Variants in B3GALT1 observed in about 807,000 individuals in gnomAD.
B3GALT1 encodes the protein UDP-Gal:betaGlcNAc beta 1,3-galactosyltransferase, polypeptide 1.
A neutral mutation model predicts 23.2 loss-of-function variants in B3GALT1; 10 were observed. That is an observed-to-expected ratio of 0.43 (90% CI 0.27 to 0.73). B3GALT1 has a LOEUF of 0.73. Ranked by LOEUF, B3GALT1 falls within the 30% of genes least tolerant of loss-of-function variation. B3GALT1 has a pLI of 0.21. For missense variants in B3GALT1, 299 were observed against 405.4 expected, an observed-to-expected ratio of 0.74 and a Z score of 2.25; for synonymous variants, 156 against 141.5, an observed-to-expected ratio of 1.10 and a Z score of -0.73.
At chr2:167,468,072 C>T (rs1034192092) in intron 1 of B3GALT1, among the ~76,000 whole-genome samples, 38 of 151,948 alleles carry the variant, frequency 2.5e-4, no homozygotes, top group Non-Finnish European at 5.1e-4. Flanking sequence ...GTAGGAGTCT[C>T]CAAGGGCCAT....
intron 3 of B3GALT1, among the ~76,000 whole-genome samples, chr2:167,773,839 A>G (rs1688112475): frequency 6.6e-6 from 1 of 152,222 alleles, no homozygotes; most frequent in Non-Finnish European, 1.5e-5. Context: ...ACCAAGTCCA[A>G]GTGGTCATTC....
At chr2:167,643,761 G>A (rs1446318777) in intron 2 of B3GALT1, among the ~76,000 whole-genome samples, 1 of 152,158 alleles carries the variant, frequency 6.6e-6, no homozygotes, top group Admixed American at 6.5e-5. Context: ...AATGTATAAG[G>A]TGTGGGTAAA....
At chr2:167,701,091 A>C (rs10180034) in intron 3 of B3GALT1, among the ~76,000 whole-genome samples, 14,051 of 152,196 alleles carry the variant, frequency 0.092, 922 homozygotes, top group East Asian at 0.26. Context: ...TTTATTTTAC[A>C]AAAGACAAAA....
intron 1 of B3GALT1, among the ~76,000 whole-genome samples, chr2:167,449,924 G>A (rs763717796): frequency 1.3e-5 from 2 of 152,158 alleles, no homozygotes; most frequent in South Asian, 2.1e-4. Context: ...AACCATCCCT[G>A]CATTCCTGGT....
chr2:167,585,344 TAAACAA>T lies in B3GALT1; in HGVS notation c.-409-61559_-409-61554del, dbSNP rs1574153228. Among the ~76,000 whole-genome samples the T allele has an allele frequency of 2.6e-5, 4 of 152,268 alleles. No individual in the cohort carries two copies. The South Asian group carries it at 8.3e-4, about 32-fold the overall frequency. ...TTATATGTTGGTCCCAGAAATCTGT[TAAACAA>T]AAACATTAGAAAAGCCCCTTAATAA... On this transcript the variant is annotated intron_variant, in intron 2 of 4. Transcript: ENST00000392690.
At chr2:167,496,361 A>C (rs551167153) in intron 2 of B3GALT1, among the ~76,000 whole-genome samples, 1 of 152,136 alleles carries the variant, frequency 6.6e-6, no homozygotes, top group East Asian at 1.9e-4. Context: ...GAGAAGATAA[A>C]TTTGGGCTTT....
intron 1 of B3GALT1, among the ~76,000 whole-genome samples, chr2:167,450,362 T>G (rs2105319604): frequency 6.6e-6 from 1 of 152,270 alleles, no homozygotes. Context: ...CTCCTCTAGG[T>G]TTTCTAGTTT....
At chr2:167,346,877 A>G (rs551038762) in intron 1 of B3GALT1, among the ~76,000 whole-genome samples, 26 of 152,248 alleles carry the variant, frequency 1.7e-4, no homozygotes, top group Non-Finnish European at 3.5e-4. Context: ...AATTTTCTAC[A>G]CACTGCTCAA....
chr2:167,597,627 G>A (rs1008554966), intron 2 of B3GALT1, among the ~76,000 whole-genome samples: 1 of 152,284 alleles, frequency 6.6e-6, no homozygotes, highest in Admixed American at 6.5e-5. Flanking sequence ...ACTAGCTCCA[G>A]TCTGCAAAGC....
rs1274631026 is a variant in B3GALT1 at position 167,512,600 on chromosome 2, ATATATATG to A, written c.-410+22331_-410+22338del. ...TATATGTATATATATATGTGTATAT[ATATATATG>A]TATATATATATACGTGTATATATAT... On this transcript the variant is annotated intron_variant, in intron 2 of 4. Transcript: ENST00000392690. Among the ~76,000 whole-genome samples, 9 of 103,336 alleles carry A rather than the reference ATATATATG, an allele frequency of 8.7e-5. 2 individuals carry two copies. The highest frequency in any genetic ancestry group is 4.7e-4 in the African/African-American group (9 of 19,210). The allele number at this position is 103,336 out of a possible 152,430, so 67.8% of individuals were successfully genotyped here.
chr2:167,776,020 G>A (rs1688156475), intron 3 of B3GALT1, among the ~76,000 whole-genome samples: 1 of 132,876 alleles, frequency 7.5e-6, no homozygotes, highest in Non-Finnish European at 1.6e-5. Flanking sequence ...AACTATATAA[G>A]TAGATAATTA....
chr2:167,340,424 CA>C (rs1414637738), intron 1 of B3GALT1, among the ~76,000 whole-genome samples: 2 of 151,252 alleles, frequency 1.3e-5, no homozygotes, highest in African/African-American at 4.9e-5. Context: ...CCCCTGAAGA[CA>C]TTAGTCAAAA....
chr2:167,622,942 ACAGT>A (rs1470321723), intron 2 of B3GALT1, among the ~76,000 whole-genome samples: 1 of 152,110 alleles, frequency 6.6e-6, no homozygotes. Context: ...TCAAGATCAA[ACAGT>A]CAAGATTATA....
chr2:167,818,004 C>A (rs562314121), intron 3 of B3GALT1, among the ~76,000 whole-genome samples: 1 of 152,046 alleles, frequency 6.6e-6, no homozygotes, highest in African/African-American at 2.4e-5. Flanking sequence ...CGTGAATGAA[C>A]CAAATGTCTT....
chr2:167,531,720 T>C (rs990365228), intron 2 of B3GALT1, among the ~76,000 whole-genome samples: 1 of 152,246 alleles, frequency 6.6e-6, no homozygotes, highest in Admixed American at 6.5e-5. Flanking sequence ...CTGAGAGTCG[T>C]GTTAACTATA....
intron 2 of B3GALT1, among the ~76,000 whole-genome samples, chr2:167,604,103 T>A (rs1684921449): frequency 6.6e-6 from 1 of 152,158 alleles, no homozygotes; most frequent in Non-Finnish European, 1.5e-5. Flanking sequence ...AAATCTTAAA[T>A]TATTATAATC....
chr2:167,770,100 T>C (rs1688046950), intron 3 of B3GALT1, among the ~76,000 whole-genome samples: 1 of 152,134 alleles, frequency 6.6e-6, no homozygotes, highest in Non-Finnish European at 1.5e-5. Context: ...ATTTAGGTTT[T>C]TGTTTTGTTT....
At chr2:167,542,657 A>G (rs1195710644) in intron 2 of B3GALT1, among the ~76,000 whole-genome samples, 2 of 152,190 alleles carry the variant, frequency 1.3e-5, no homozygotes, top group African/African-American at 4.8e-5. Flanking sequence ...AATTTTTGAG[A>G]ATCAAGTCAG....
At chr2:167,558,057 A>G (rs965234606) in intron 2 of B3GALT1, 5 of 152,174 alleles carry the variant, frequency 3.3e-5, no homozygotes, top group Non-Finnish European at 7.3e-5. Context: ...TGAGCCAGGG[A>G]TAAAAGGAGT....
Sources: gnomAD v4.1 joint callset for allele counts (sites outside exome capture counted in the v4.1 genomes callset) on GRCh38, gnomAD v4.1.1 for gene constraint, MANE v1.5 for transcripts, NCBI Gene and HGNC (gene_info 2026-07-23, HGNC 2026-07-21) for gene names.